NTM: variants seen among roughly 807,000 people sequenced by gnomAD.
NTM encodes the protein neurotrimin, also known as IgLON family member 2.
Under a neutral mutation model 42.1 loss-of-function variants are expected in NTM, and 13 were observed. The ratio of observed to expected loss-of-function variants is 0.31; its 90% confidence interval spans 0.20 to 0.49. The LOEUF (loss-of-function observed/expected upper bound fraction) is 0.49. Ranked by LOEUF, NTM falls within the 20% of genes least tolerant of loss-of-function variation. The probability of loss-of-function intolerance (pLI) is 0.99; values close to 1 mark genes in which losing one functional copy is unlikely to be tolerated. For missense variants in NTM, 373 were observed against 452.8 expected, an observed-to-expected ratio of 0.82 and a Z score of 1.60; for synonymous variants, 187 against 179.2, an observed-to-expected ratio of 1.04 and a Z score of -0.35.
chr11:132,325,118 T>C (rs894598911), intron 7 of NTM, among the ~76,000 whole-genome samples: 5 of 152,050 alleles, frequency 3.3e-5, no homozygotes, highest in Non-Finnish European at 7.4e-5. Flanking sequence ...GGGCAAGGAC[T>C]TCATGTCTAA....
chr11:132,248,162 G>A (rs2091452366), intron 4 of NTM, among the ~76,000 whole-genome samples: 1 of 152,120 alleles, frequency 6.6e-6, no homozygotes, highest in South Asian at 2.1e-4. Flanking sequence ...AATGCATTTC[G>A]CCAGTGTCCC....
intron 7 of NTM, among the ~76,000 whole-genome samples, chr11:132,327,366 A>G (rs980751621): frequency 1.3e-5 from 2 of 152,256 alleles, no homozygotes; most frequent in African/African-American, 4.8e-5. Context: ...AATTTATTAA[A>G]GAATGGGGAC....
At chr11:132,226,460 G>A (rs554693143) in intron 4 of NTM, among the ~76,000 whole-genome samples, 44 of 152,296 alleles carry the variant, frequency 2.9e-4, no homozygotes, top group African/African-American at 1.1e-3. Flanking sequence ...GTAATGACCA[G>A]TGATGATGAG....
At chr11:131,398,127 A>C (rs901996218) in intron 1 of NTM, among the ~76,000 whole-genome samples, 7 of 152,120 alleles carry the variant, frequency 4.6e-5, no homozygotes, top group African/African-American at 1.7e-4. Context: ...GCTTGGGACC[A>C]AGTTAATAAC....
At chr11:131,994,598 G>GT (rs570358727) in intron 2 of NTM, among the ~76,000 whole-genome samples, 2 of 152,086 alleles carry the variant, frequency 1.3e-5, no homozygotes, top group African/African-American at 4.8e-5. Context: ...CTTCTTGTCT[G>GT]TTTTTTTATA....
At chr11:131,674,050 T>G (rs1441439533) in intron 1 of NTM, among the ~76,000 whole-genome samples, 1 of 152,232 alleles carries the variant, frequency 6.6e-6, no homozygotes, top group Non-Finnish European at 1.5e-5. Flanking sequence ...TTTACAACCT[T>G]GATACTTCTG....
Position 132,300,686 on chromosome 11 carries a change from C to T in NTM, c.527-7003C>T, listed in dbSNP as rs543986747. The stretch of plus-strand genomic sequence containing the variant: ...GTTATGTGGGTAGCTCCCATGTCCC[C>T]AGCCTTGTCTAGCTTAGCGGCACAG... On this transcript the variant is annotated intron_variant, in intron 4 of 8. Transcript: ENST00000683400. 1.4e-3 allele frequency among the ~76,000 whole-genome samples: 212 copies of T among 152,338 alleles called. 3 individuals are homozygous for T. Among genetic ancestry groups the T allele is most frequent in the South Asian group, 6.2e-3 (30 of 4,816 alleles).
chr11:131,971,669 C>G (rs1398039269), intron 2 of NTM, among the ~76,000 whole-genome samples: 1 of 151,870 alleles, frequency 6.6e-6, no homozygotes, highest in African/African-American at 2.4e-5. Context: ...CCTTAATCTT[C>G]TATCTATATG....
intron 1 of NTM, among the ~76,000 whole-genome samples, chr11:131,796,823 A>G (rs2091624132): frequency 6.6e-6 from 1 of 152,330 alleles, no homozygotes; most frequent in Non-Finnish European, 1.5e-5. Context: ...TGCCTGATCT[A>G]TCAGGAGGAT....
At chr11:132,107,983 A>C (rs1171236481) in intron 2 of NTM, among the ~76,000 whole-genome samples, 1 of 152,204 alleles carries the variant, frequency 6.6e-6, no homozygotes, top group Non-Finnish European at 1.5e-5. Context: ...ATCTGATAGA[A>C]AGTCCCACAC....
intron 2 of NTM, among the ~76,000 whole-genome samples, chr11:132,053,955 A>G (rs1594157685): frequency 6.6e-6 from 1 of 152,180 alleles, no homozygotes; most frequent in East Asian, 1.9e-4. Flanking sequence ...GTGGCTGACA[A>G]CTGTAATCCC....
At chr11:131,522,429 G>A (rs998981320) in intron 1 of NTM, among the ~76,000 whole-genome samples, 2 of 151,692 alleles carry the variant, frequency 1.3e-5, no homozygotes, top group African/African-American at 4.8e-5. Context: ...GAAATAAAAT[G>A]GTCTGCTGAG....
chr11:131,797,359 G>A (rs1011785991), intron 1 of NTM, among the ~76,000 whole-genome samples: 8 of 152,322 alleles, frequency 5.3e-5, no homozygotes, highest in Admixed American at 1.3e-4. Context: ...GCAGCAAGCC[G>A]TAAAAAGTGA....
At chr11:132,079,547 T>C (rs2058762389) in intron 2 of NTM, among the ~76,000 whole-genome samples, 1 of 152,224 alleles carries the variant, frequency 6.6e-6, no homozygotes, top group Non-Finnish European at 1.5e-5. Context: ...GCCATTTTTA[T>C]TGGTAACTTG....
chr11:131,559,618 G>A (rs1592050947), intron 1 of NTM, among the ~76,000 whole-genome samples: 1 of 152,176 alleles, frequency 6.6e-6, no homozygotes, highest in Admixed American at 6.5e-5. Context: ...CAAAATATAG[G>A]TTAAGACGCT....
rs114732490 is a variant in NTM at position 131,815,947 on chromosome 11, G to A, written c.83-95617G>A. Among the ~76,000 whole-genome samples the A allele has an allele frequency of 4.1e-3, 618 of 152,268 alleles. 5 individuals carry two copies. The highest frequency in any genetic ancestry group is 0.014 in the African/African-American group (593 of 41,548). On this transcript the variant is annotated intron_variant, in intron 1 of 8. Coordinates refer to ENST00000683400, the MANE Select transcript of NTM (RefSeq NM_001352005.2). ...CGGGGCTTGTGAGCTGGGGAAACTG[G>A]GAGTTGGAGATGGGGAGAGAGATGG...
chr11:131,521,601 T>C (rs1334154326), intron 1 of NTM, among the ~76,000 whole-genome samples: 1 of 151,550 alleles, frequency 6.6e-6, no homozygotes, highest in African/African-American at 2.4e-5. Context: ...AGGGGGACTC[T>C]TGTGGGAACT....
chr11:131,849,871 A>G (rs552994624), intron 1 of NTM, among the ~76,000 whole-genome samples: 2 of 151,362 alleles, frequency 1.3e-5, no homozygotes, highest in Non-Finnish European at 2.9e-5. Context: ...ACCTAATGCT[A>G]AATGACGAGT....
intron 1 of NTM, among the ~76,000 whole-genome samples, chr11:131,686,594 G>A (rs1330756647): frequency 6.6e-6 from 1 of 152,162 alleles, no homozygotes; most frequent in East Asian, 1.9e-4. Context: ...GGCAGGAAGT[G>A]CAGGCACTCT....
Sources: gnomAD v4.1 joint callset for allele counts (sites outside exome capture counted in the v4.1 genomes callset) on GRCh38, gnomAD v4.1.1 for gene constraint, MANE v1.5 for transcripts, NCBI Gene and HGNC (gene_info 2026-07-23, HGNC 2026-07-21) for gene names.